Variants in ERN1 observed in about 807,000 individuals in gnomAD.
The protein encoded by ERN1 is endoplasmic reticulum to nucleus signaling 1.
Under a neutral mutation model 113.1 loss-of-function variants are expected in ERN1, and 39 were observed. The ratio of observed to expected loss-of-function variants is 0.34; its 90% CI spans 0.27 to 0.45. The LOEUF (loss-of-function observed/expected upper bound fraction) is 0.45, where lower values mean the gene tolerates loss of function less well. ERN1 is among the 20% of genes least tolerant of loss of function. ERN1 has a pLI of 1.00. For synonymous variants in ERN1, 507 were observed against 515.9 expected (o/e 0.98, Z 0.23); for missense variants, 976 against 1,274.8 (o/e 0.77, Z 3.57).
intron 1 of ERN1, chr17:64,129,570 C>T: frequency 2.8e-6 from 1 of 354,632 alleles, no homozygotes; most frequent in Non-Finnish European, 5.1e-6. Flanking sequence ...TCCGCGGCCC[C>T]CGCCAGGCAG....
Position 64,049,768 on chromosome 17 carries a change from G to C in ERN1, c.2254-566C>G, listed in dbSNP as rs1208030791. The stretch of plus-strand genomic sequence containing the variant: ...TCATGTTTGATGTTAATCCGAGAAA[G>C]CCTCTCACTTATCCCATGAAACCAT... On this transcript the variant is annotated intron_variant, in intron 17 of 21. Coordinates refer to ENST00000433197, the MANE Select transcript of ERN1 (RefSeq NM_001433.5). The surrounding 1 kb of genome is among the most constrained non-coding windows in gnomAD (Gnocchi z 4.7). 6.6e-6 allele frequency among the ~76,000 whole-genome samples: 1 copy of C among 152,184 alleles called. No individual in the cohort carries two copies. Among genetic ancestry groups the C allele is most frequent in the Non-Finnish European group, 1.5e-5 (1 of 68,034 alleles).
chr17:64,104,795 G>A (rs570178959), intron 1 of ERN1, among the ~76,000 whole-genome samples: 63 of 152,034 alleles, frequency 4.1e-4, no homozygotes, highest in Non-Finnish European at 5.6e-4. Context: ...CTCCAGCCTG[G>A]GTGACAGAGA....
chr17:64,056,436 C>T (rs1912872543), intron 12 of ERN1, among the ~76,000 whole-genome samples: 1 of 152,196 alleles, frequency 6.6e-6, no homozygotes, highest in Non-Finnish European at 1.5e-5. Flanking sequence ...GGTGAGGAAG[C>T]TCTAGTATTC....
chr17:64,123,403 C>T (rs1010786457), intron 1 of ERN1, among the ~76,000 whole-genome samples: 3 of 152,150 alleles, frequency 2.0e-5, no homozygotes, highest in Non-Finnish European at 4.4e-5. Flanking sequence ...CTTTTAGGTA[C>T]AAAGGGTATC....
At chr17:64,128,839 G>C (rs190304974) in intron 1 of ERN1, 1 of 151,702 alleles carries the variant, frequency 6.6e-6, no homozygotes, top group Non-Finnish European at 1.5e-5. Context: ...TACTTCTCCT[G>C]TTTCCAAATT....
At chr17:64,072,432 G>A (rs952871412) in intron 5 of ERN1, among the ~76,000 whole-genome samples, 2 of 152,224 alleles carry the variant, frequency 1.3e-5, no homozygotes, top group African/African-American at 4.8e-5. Flanking sequence ...GCCTGTGAAG[G>A]GCAATCCTTT....
chr17:64,088,728 C>A (rs567826689), intron 2 of ERN1, among the ~76,000 whole-genome samples: 1 of 152,132 alleles, frequency 6.6e-6, no homozygotes, highest in Admixed American at 6.6e-5. Flanking sequence ...TAACGAACTG[C>A]TAGAACATGG....
chr17:64,118,852 G>A (rs1474448652), intron 1 of ERN1, among the ~76,000 whole-genome samples: 1 of 152,128 alleles, frequency 6.6e-6, no homozygotes, highest in Non-Finnish European at 1.5e-5. Context: ...CACATGAAAA[G>A]GGGAAGGGAG....
chr17:64,126,114 A>G (rs188914529), intron 1 of ERN1, among the ~76,000 whole-genome samples: 1 of 152,170 alleles, frequency 6.6e-6, no homozygotes, highest in African/African-American at 2.4e-5. Context: ...ATTTCCAACC[A>G]GTAGTTTATT....
intron 5 of ERN1, among the ~76,000 whole-genome samples, chr17:64,073,045 G>A (rs927131247): frequency 2.4e-4 from 35 of 145,792 alleles, no homozygotes; most frequent in African/African-American, 7.4e-4. Flanking sequence ...TTGCTCTGTC[G>A]CCCAAGGAGG....
Position 64,063,970 on chromosome 17 carries a change from G to A in ERN1, c.1087+16C>T, listed in dbSNP as rs755345282. ...CACGCTGTCACCTCAGGCTACTGTG[G>A]GAGACCTGCTCTTACCTATCAGAAG... On this transcript the variant is annotated intron_variant, in intron 10 of 21. Transcript: ENST00000433197. The surrounding 1 kb of genome is among the most constrained non-coding windows in gnomAD (Gnocchi z 5.1). 6.2e-7 allele frequency: 1 copy of A among 1,612,770 alleles called. No homozygotes were observed.
chr17:64,083,672 C>A (rs8079000), intron 2 of ERN1, among the ~76,000 whole-genome samples: 2 of 151,884 alleles, frequency 1.3e-5, no homozygotes, highest in African/African-American at 4.8e-5. Flanking sequence ...AGGATTAACA[C>A]GGGAAAGAAA....
intron 1 of ERN1, among the ~76,000 whole-genome samples, chr17:64,124,259 C>T (rs1483776361): frequency 6.6e-6 from 1 of 152,126 alleles, no homozygotes; most frequent in Non-Finnish European, 1.5e-5. Context: ...TAGATATATG[C>T]CCAAGAAGAG....
chr17:64,056,969 G>C (rs1400514009), intron 12 of ERN1, among the ~76,000 whole-genome samples: 1 of 152,082 alleles, frequency 6.6e-6, no homozygotes, highest in Non-Finnish European at 1.5e-5. Context: ...TCGATGCTCT[G>C]AGCAACCTGC....
intron 15 of ERN1, among the ~76,000 whole-genome samples, chr17:64,053,743 A>G (rs192407854): frequency 6.6e-6 from 1 of 152,274 alleles, no homozygotes; most frequent in Non-Finnish European, 1.5e-5. Flanking sequence ...GGGAAAGAAC[A>G]ACTGTCCAGG....
At chr17:64,128,972 T>A (rs888846820) in intron 1 of ERN1, 1 of 152,160 alleles carries the variant, frequency 6.6e-6, no homozygotes, top group Non-Finnish European at 1.5e-5. Flanking sequence ...TGGTACATGA[T>A]ATCCCTATTA....
At position 64,052,852 on chromosome 17, in the gene ERN1, G is replaced by A; in HGVS notation, c.2181C>T (p.Arg727=). The A allele has an allele frequency of 2.5e-6, 4 of 1,614,046 alleles. No individual in the cohort carries two copies. The highest frequency in any genetic ancestry group is 3.4e-6 in the Non-Finnish European group (4 of 1,179,906). ...KLAVGRHSFS[R]RSGVPGTEGW... ...CTTCTGTGCCAGGCACCCCAGATCGGCGGCTGAAACTGTGTCTGCCCACTG... is the reference window on the plus strand; with the variant it reads ...CTTCTGTGCCAGGCACCCCAGATCGACGGCTGAAACTGTGTCTGCCCACTG... Residue 727 remains arginine, a synonymous_variant, in exon 17 of 22, where the codon CGC becomes CGT. Transcript: ENST00000433197.
At chr17:64,096,701 T>A (rs951881183) in intron 2 of ERN1, among the ~76,000 whole-genome samples, 2 of 152,224 alleles carry the variant, frequency 1.3e-5, no homozygotes, top group Admixed American at 6.5e-5. Context: ...AGGCAAATTC[T>A]TTCAGCTCTA....
At chr17:64,045,276 G>A in intron 20 of ERN1, 83 bp downstream of exon 20, 4 of 1,540,112 alleles carry the variant, frequency 2.6e-6, no homozygotes, top group South Asian at 1.1e-5. Flanking sequence ...GAACAGCCTG[G>A]AGCGGCCATT....
Sources: allele counts gnomAD v4.1 joint callset (sites outside exome capture counted in the v4.1 genomes callset), GRCh38; gene constraint gnomAD v4.1.1; non-coding constraint Gnocchi (gnomAD v3.1); transcripts MANE v1.5; gene names NCBI Gene and HGNC (gene_info 2026-07-23, HGNC 2026-07-21).